Variants in CDH18 observed in about 807,000 individuals in gnomAD.
CDH18 encodes cadherin-18.
A neutral mutation model predicts 67.9 loss-of-function variants in CDH18; 31 were observed. That is an observed-to-expected ratio of 0.46 (90% CI 0.34 to 0.62). The LOEUF (loss-of-function observed/expected upper bound fraction) is 0.62, where lower values mean the gene tolerates loss of function less well. CDH18 is among the 20% of genes least tolerant of loss of function. The pLI is 0.01. For synonymous variants in CDH18, 362 were observed against 347.2 expected (o/e 1.04, Z -0.48); for missense variants, 890 against 975.5 (o/e 0.91, Z 1.17).
At chr5:20,093,325 G>A (rs1745606422) in intron 2 of CDH18, among the ~76,000 whole-genome samples, 1 of 149,790 alleles carries the variant, frequency 6.7e-6, no homozygotes, top group Non-Finnish European at 1.5e-5. Flanking sequence ...CCCAAATTGA[G>A]ACTGAGTTAA....
intron 2 of CDH18, among the ~76,000 whole-genome samples, chr5:20,020,699 G>C (rs1260060398): frequency 6.6e-6 from 1 of 152,122 alleles, no homozygotes; most frequent in African/African-American, 2.4e-5. Flanking sequence ...CTCAATTTCA[G>C]AGGGTGTATG....
intron 3 of CDH18, among the ~76,000 whole-genome samples, chr5:19,796,665 A>T (rs1776889708): frequency 6.6e-6 from 1 of 152,092 alleles, no homozygotes; most frequent in Non-Finnish European, 1.5e-5. Context: ...GAAAAAATGC[A>T]ATAGGCTGTT....
intron 2 of CDH18, among the ~76,000 whole-genome samples, chr5:19,980,319 GGAC>G (rs1448919312): frequency 6.6e-6 from 1 of 151,600 alleles, no homozygotes; most frequent in Non-Finnish European, 1.5e-5. Flanking sequence ...ACAAACAAAT[GGAC>G]TCACCTTGAA....
chr5:19,847,716 T>C (rs571666861), intron 2 of CDH18, among the ~76,000 whole-genome samples: 10 of 152,214 alleles, frequency 6.6e-5, no homozygotes, highest in African/African-American at 2.4e-4. Flanking sequence ...TACAAAATGG[T>C]TTCCTACAGA....
rs1055685913 is a variant in CDH18, at chr5:19,643,398, G to A, written c.644-30797C>T. Among the ~76,000 whole-genome samples the A allele has an allele frequency of 9.2e-5, 14 of 152,074 alleles. No homozygotes were observed. In the East Asian group the frequency reaches 1.2e-3, roughly 13 times the overall value. On this transcript the variant is annotated intron_variant, in intron 5 of 12. Coordinates refer to ENST00000382275, the MANE Select transcript of CDH18 (RefSeq NM_004934.5). ...ACTATAGTCCCATGTTCATTGTAGC[G>A]TAATTCACAATCGCTAAGATAAAGA...
chr5:20,109,412 G>A (rs1295121423), intron 2 of CDH18, among the ~76,000 whole-genome samples: 1 of 152,194 alleles, frequency 6.6e-6, no homozygotes, highest in Non-Finnish European at 1.5e-5. Flanking sequence ...GAACAGCAAA[G>A]ACTGAAGGAT....
chr5:19,830,444 C>CATCACTA (rs1219280086), intron 3 of CDH18, among the ~76,000 whole-genome samples: 1 of 152,094 alleles, frequency 6.6e-6, no homozygotes, highest in Non-Finnish European at 1.5e-5. Flanking sequence ...AAACACACAA[C>CATCACTA]ATCACTAATC....
intron 1 of CDH18, among the ~76,000 whole-genome samples, chr5:20,297,994 G>A (rs1486254282): frequency 2.0e-5 from 3 of 152,012 alleles, no homozygotes; most frequent in African/African-American, 7.2e-5. Flanking sequence ...CTGTCTTGCC[G>A]ACTTATTATA....
At chr5:19,791,046 T>TA (rs1776298993) in intron 3 of CDH18, among the ~76,000 whole-genome samples, 1 of 152,028 alleles carries the variant, frequency 6.6e-6, no homozygotes, top group African/African-American at 2.4e-5. Context: ...GGAAGAGACT[T>TA]AGAGTCCAGT....
At chr5:20,122,810 GTATA>G (rs138170795) in intron 2 of CDH18, among the ~76,000 whole-genome samples, 4 of 142,410 alleles carry the variant, frequency 2.8e-5, no homozygotes, top group African/African-American at 7.7e-5. Flanking sequence ...TGAATACAAA[GTATA>G]TATATATATA....
chr5:20,566,152 T>C (rs1358913903), intron 1 of CDH18, among the ~76,000 whole-genome samples: 1 of 151,934 alleles, frequency 6.6e-6, no homozygotes. Context: ...TGGAAGAAAA[T>C]GGGCTACTTT....
intron 9 of CDH18, among the ~76,000 whole-genome samples, chr5:19,531,045 G>A (rs1337849184): frequency 2.0e-5 from 3 of 152,122 alleles, no homozygotes; most frequent in South Asian, 2.1e-4. Context: ...CTTCTGCATC[G>A]CTCACGCTGG....
chr5:19,608,227 A>G (rs1422149131), intron 6 of CDH18, among the ~76,000 whole-genome samples: 1 of 151,780 alleles, frequency 6.6e-6, no homozygotes, highest in Non-Finnish European at 1.5e-5. Context: ...AACAGTTATC[A>G]AAATCAAATA....
chr5:20,345,948 C>A (rs1740664932), intron 1 of CDH18, among the ~76,000 whole-genome samples: 1 of 152,190 alleles, frequency 6.6e-6, no homozygotes, highest in African/African-American at 2.4e-5. Context: ...TTTCACTTTA[C>A]TGTCACCACA....
At chr5:20,559,666 G>A (rs1285623111) in intron 1 of CDH18, among the ~76,000 whole-genome samples, 1 of 151,850 alleles carries the variant, frequency 6.6e-6, no homozygotes, top group African/African-American at 2.4e-5. Flanking sequence ...TAAACTAATA[G>A]AAAAATATAC....
chr5:19,543,592 C>T (rs1289507762), intron 9 of CDH18, among the ~76,000 whole-genome samples: 1 of 151,946 alleles, frequency 6.6e-6, no homozygotes, highest in Non-Finnish European at 1.5e-5. Context: ...GCAAGTCTCC[C>T]AATTAGAAGG....
At chr5:20,289,471 C>A (rs1210161157) in intron 1 of CDH18, among the ~76,000 whole-genome samples, 1 of 151,882 alleles carries the variant, frequency 6.6e-6, no homozygotes, top group Non-Finnish European at 1.5e-5. Context: ...TGTAAATTTT[C>A]ATGGGTATCT....
At chr5:19,898,622 A>G (rs1048219377) in intron 2 of CDH18, among the ~76,000 whole-genome samples, 2 of 152,134 alleles carry the variant, frequency 1.3e-5, no homozygotes, top group Admixed American at 1.3e-4. Context: ...TCTTAATTAT[A>G]TATGGAAAAT....
At chr5:20,077,283 G>A (rs747468139) in intron 2 of CDH18, among the ~76,000 whole-genome samples, 9 of 152,156 alleles carry the variant, frequency 5.9e-5, no homozygotes, top group Non-Finnish European at 7.4e-5. Flanking sequence ...AAACCTTGGC[G>A]TATTGTACTT....
Sources: gnomAD v4.1 joint callset for allele counts (sites outside exome capture counted in the v4.1 genomes callset) on GRCh38, gnomAD v4.1.1 for gene constraint, MANE v1.5 for transcripts, NCBI Gene and HGNC (gene_info 2026-07-23, HGNC 2026-07-21) for gene names.